Variants in FCRL6 observed in about 807,000 individuals in gnomAD.
The protein encoded by FCRL6 is Fc receptor-like protein 6.
Under a neutral mutation model 49.1 loss-of-function variants are expected in FCRL6, and 50 were observed. The ratio of observed to expected loss-of-function variants is 1.02; its 90% CI spans 0.81 to 1.29. The LOEUF is 1.29. Among genes scored for constraint, FCRL6 ranks in the 50% most tolerant of loss-of-function variants. The pLI, the probability that FCRL6 is intolerant of heterozygous loss-of-function variation, is 0.00. For missense variants in FCRL6, 571 were observed against 518.5 expected (o/e 1.10, Z -0.98); for synonymous variants, 213 against 199.6 (o/e 1.07, Z -0.57).
intron 2 of FCRL6, 115 bp downstream of exon 2, chr1:159,806,731 G>A: frequency 1.9e-6 from 2 of 1,041,576 alleles, no homozygotes; most frequent in Non-Finnish European, 3.0e-6. Context: ...AGCAGCACCA[G>A]ACTAGGCCCC....
In FCRL6 at chr1:159,802,420, G is replaced by T. The variant is rs766074635; in HGVS notation, c.-5G>T. 5.0e-6 allele frequency: 8 copies of T among 1,613,742 alleles called. No individual in the cohort carries two copies. Among genetic ancestry groups the T allele is most frequent in the Admixed American group, 1.7e-5 (1 of 59,984 alleles). On this transcript the variant is annotated 5_prime_UTR_variant, in exon 1 of 10. Coordinates refer to ENST00000368106, the MANE Select transcript of FCRL6 (RefSeq NM_001004310.3). ...TGTTCCCTCCGCTGTGCCAGAACAG[G>T]CCCCATGCTGCTCTGGACGGCTGTG...
chr1:159,804,727 G>T (rs909474782), intron 1 of FCRL6, among the ~76,000 whole-genome samples: 2 of 152,236 alleles, frequency 1.3e-5, no homozygotes, highest in Non-Finnish European at 2.9e-5. Flanking sequence ...CATTTTAAGT[G>T]CATCTATGCT....
intron 6 of FCRL6, 34 bp from the exon 7 acceptor site, chr1:159,813,455 G>A: frequency 1.3e-6 from 2 of 1,591,742 alleles, no homozygotes; most frequent in Non-Finnish European, 1.7e-6. Context: ...CCCTCTAAGG[G>A]ACACCCAGTG....
At chr1:159,807,804 A>G (rs1662794239) in intron 2 of FCRL6, among the ~76,000 whole-genome samples, 1 of 151,796 alleles carries the variant, frequency 6.6e-6, no homozygotes, top group Non-Finnish European at 1.5e-5. Context: ...AGGCAAGACA[A>G]TGAACAGAAT....
chr1:159,802,574 A>C, intron 1 of FCRL6, 119 bp downstream of exon 1: 1 of 912,848 alleles, frequency 1.1e-6, no homozygotes, highest in Non-Finnish European at 1.7e-6. Context: ...CTGGAGCTCA[A>C]GACAGGTGTG....
chr1:159,812,801 G>A (rs1487191847), intron 6 of FCRL6, among the ~76,000 whole-genome samples: 1 of 152,168 alleles, frequency 6.6e-6, no homozygotes, highest in Non-Finnish European at 1.5e-5. Flanking sequence ...CATGAACCAA[G>A]TGTTCTAAAA....
At chr1:159,806,544 A>G in intron 1 of FCRL6, 52 bp from the exon 2 acceptor site, 4 of 1,561,928 alleles carry the variant, frequency 2.6e-6, no homozygotes, top group South Asian at 1.1e-5. Context: ...CCTCCTTGTC[A>G]GAAAGCTCTT....
At chr1:159,803,013 C>A (rs549687235) in intron 1 of FCRL6, among the ~76,000 whole-genome samples, 1 of 152,326 alleles carries the variant, frequency 6.6e-6, no homozygotes, top group Non-Finnish European at 1.5e-5. Flanking sequence ...TCTGAGTAAC[C>A]AAAGCCCTTT....
chr1:159,807,966 G>A (rs997039297), intron 2 of FCRL6, among the ~76,000 whole-genome samples: 2 of 151,708 alleles, frequency 1.3e-5, no homozygotes, highest in Non-Finnish European at 2.9e-5. Context: ...AGAGGGAAGA[G>A]GAAGGAGAGA....
At chr1:159,808,577 G>A (rs531112215) in intron 3 of FCRL6, 133 bp downstream of exon 3, 19 of 1,014,130 alleles carry the variant, frequency 1.9e-5, no homozygotes, top group East Asian at 5.1e-5. Flanking sequence ...GTGGGGCCCC[G>A]AGGTTTCCCA....
chr1:159,802,538 C>A, intron 1 of FCRL6, 83 bp downstream of exon 1: 1 of 1,280,004 alleles, frequency 7.8e-7, no homozygotes, highest in South Asian at 1.3e-5. Flanking sequence ...CTCATCTTAC[C>A]TTTCCCAATT....
chr1:159,800,710 C>G, upstream of FCRL6: 1 of 1,067,846 alleles, frequency 9.4e-7, no homozygotes, highest in South Asian at 1.4e-5. Context: ...CTGGCAGTGT[C>G]AAATTAGTTT....
rs1369181692 is a variant in FCRL6, at chr1:159,816,129, G to A, written c.*468G>A. On this transcript the variant is annotated 3_prime_UTR_variant, in exon 10 of 10. Transcript: ENST00000368106. Reference sequence around the variant, plus strand: ...CATCATAACACAACACATTTCTCACGCGTTTGTGGTGATGCTGGTACAAAC... The same window carrying A: ...CATCATAACACAACACATTTCTCACACGTTTGTGGTGATGCTGGTACAAAC... The A allele has an allele frequency of 5.6e-6, 1 of 177,290 alleles. No homozygotes were observed. Among genetic ancestry groups the A allele is most frequent in the Non-Finnish European group, 1.2e-5 (1 of 81,074 alleles). The allele number at this position is 177,290 out of a possible 1,614,324, so 11.0% of individuals were successfully genotyped here. A position where few individuals can be genotyped will look rare whatever the true frequency, so the allele number is the denominator to read the frequency against.
intron 5 of FCRL6, 112 bp from the exon 6 acceptor site, chr1:159,809,982 G>A (rs367798835): frequency 1.5e-6 from 2 of 1,359,174 alleles, no homozygotes; most frequent in Non-Finnish European, 2.0e-6. Context: ...GGCTCCCCCA[G>A]GCCAGACGGT....
chr1:159,809,743 A>C (rs1571105092), intron 5 of FCRL6, 60 bp downstream of exon 5: 1 of 1,468,528 alleles, frequency 6.8e-7, no homozygotes, highest in Non-Finnish European at 9.4e-7. Flanking sequence ...GTCAGATCTC[A>C]CCCTCTGTGT....
At chr1:159,814,863 A>G (rs1282899430) in intron 8 of FCRL6, among the ~76,000 whole-genome samples, 2 of 152,218 alleles carry the variant, frequency 1.3e-5, no homozygotes, top group African/African-American at 4.8e-5. Context: ...TGAGTCTCAG[A>G]ACTGAGTTTG....
intron 1 of FCRL6, among the ~76,000 whole-genome samples, chr1:159,806,343 C>CGGGTGGTT (rs747822306): frequency 3.9e-4 from 59 of 151,968 alleles, no homozygotes; most frequent in Admixed American, 5.9e-4. Flanking sequence ...GTCAAGTGGC[C>CGGGTGGTT]GGGTGGTTGG....
upstream of FCRL6, among the ~76,000 whole-genome samples, chr1:159,801,554 G>T (rs1455811450): frequency 1.3e-5 from 2 of 152,168 alleles, no homozygotes; most frequent in Non-Finnish European, 2.9e-5. Context: ...GATTTATGAT[G>T]TCTAGCTCCT....
intron 6 of FCRL6, among the ~76,000 whole-genome samples, chr1:159,810,950 A>T (rs1021403044): frequency 3.9e-5 from 6 of 152,202 alleles, no homozygotes; most frequent in African/African-American, 1.4e-4. Context: ...GTAAATTCTC[A>T]TTCTAATCTG....
Sources: allele counts gnomAD v4.1 joint callset (sites outside exome capture counted in the v4.1 genomes callset), GRCh38; gene constraint gnomAD v4.1.1; transcripts MANE v1.5; gene names NCBI Gene and HGNC (gene_info 2026-07-23, HGNC 2026-07-21).